The following KHDRBS2 variants were observed in gnomAD, a reference collection of about 807,000 sequenced individuals.
KHDRBS2 encodes KH domain-containing, RNA-binding, signal transduction-associated protein 2.
A neutral mutation model predicts 44.3 loss-of-function variants in KHDRBS2; 26 were observed. That is an observed-to-expected ratio of 0.59 (90% CI 0.43 to 0.81). The LOEUF (loss-of-function observed/expected upper bound fraction) is 0.81, where lower values mean the gene tolerates loss of function less well. KHDRBS2 is among the 40% of genes least tolerant of loss of function. KHDRBS2 has a pLI of 0.00. For missense variants in KHDRBS2, 476 were observed against 433.1 expected (o/e 1.10, Z -0.88); for synonymous variants, 194 against 151.1 (o/e 1.28, Z -2.08).
chr6:61,709,406 C>T (rs1238076509), intron 7 of KHDRBS2, among the ~76,000 whole-genome samples: 1 of 151,426 alleles, frequency 6.6e-6, no homozygotes, highest in African/African-American at 2.4e-5. Flanking sequence ...ATCAGCTTTG[C>T]AATGATTCCT....
At chr6:62,045,506 G>T (rs1787483608) in intron 3 of KHDRBS2, among the ~76,000 whole-genome samples, 1 of 151,790 alleles carries the variant, frequency 6.6e-6, no homozygotes, top group Non-Finnish European at 1.5e-5. Flanking sequence ...AAATTATCAA[G>T]TCCTAAAAGT....
chr6:61,781,416 T>A (rs1215097001), intron 6 of KHDRBS2, among the ~76,000 whole-genome samples: 1 of 152,152 alleles, frequency 6.6e-6, no homozygotes, highest in Non-Finnish European at 1.5e-5. Flanking sequence ...TAGAAATTTG[T>A]TTTTGAAAAT....
the KHDRBS2 span, among the ~76,000 whole-genome samples, chr6:61,596,190 GGGGAGCCCAGCA>G: frequency 6.6e-6 from 1 of 152,116 alleles, no homozygotes; most frequent in African/African-American, 2.4e-5. Flanking sequence ...CAAGGCTTCA[GGGGAGCCCAGCA>G]GGCAGCCCTT....
At chr6:62,021,412 TA>T (rs1010920423) in intron 3 of KHDRBS2, among the ~76,000 whole-genome samples, 27 of 151,792 alleles carry the variant, frequency 1.8e-4, no homozygotes, top group Non-Finnish European at 3.8e-4. Flanking sequence ...ACTTAAAAGT[TA>T]AAAAAATAAA....
chr6:61,740,681 C>T (rs1776011194), intron 6 of KHDRBS2, among the ~76,000 whole-genome samples: 1 of 151,704 alleles, frequency 6.6e-6, no homozygotes, highest in Admixed American at 6.6e-5. Flanking sequence ...TTTAACATGT[C>T]TTATGGGTTT....
chr6:61,904,511 C>T (rs1470800470), intron 4 of KHDRBS2, among the ~76,000 whole-genome samples: 1 of 152,184 alleles, frequency 6.6e-6, no homozygotes, highest in Non-Finnish European at 1.5e-5. Flanking sequence ...CCAGCAACTA[C>T]AGATGTAATT....
intron 1 of KHDRBS2, among the ~76,000 whole-genome samples, chr6:62,209,825 A>G (rs754445542): frequency 6.6e-6 from 1 of 152,154 alleles, no homozygotes; most frequent in Non-Finnish European, 1.5e-5. Flanking sequence ...GCCCTCGAAC[A>G]TCATACTCCA....
chr6:62,087,700 G>C (rs985259458), intron 2 of KHDRBS2, among the ~76,000 whole-genome samples: 12 of 152,052 alleles, frequency 7.9e-5, no homozygotes, highest in Admixed American at 1.3e-4. Context: ...AGGTATCTTT[G>C]TGGTGTTCTC....
chr6:62,048,155 C>A (rs532374125), intron 2 of KHDRBS2, among the ~76,000 whole-genome samples, 161 bp from the exon 3 acceptor site: 1 of 151,018 alleles, frequency 6.6e-6, no homozygotes, highest in East Asian at 2.0e-4. Flanking sequence ...CACACACACA[C>A]ACAAACCCCA....
At position 62,114,403 on chromosome 6, in the gene KHDRBS2, TA is replaced by T. The variant is rs1343569484; in HGVS notation, c.219+62781del. 3.3e-5 allele frequency among the ~76,000 whole-genome samples: 5 copies of T among 152,298 alleles called. No homozygotes were observed. The East Asian group carries it at 9.6e-4, about 29-fold the overall frequency. On this transcript the variant is annotated intron_variant, in intron 2 of 8. Transcript: ENST00000281156. Reference sequence around the variant, plus strand: ...GTTTTAAGGAACTGCTTCTGAAATGTAAGAGTTTTGTGACATTGATCAGTTC... The same window carrying T: ...GTTTTAAGGAACTGCTTCTGAAATGTAGAGTTTTGTGACATTGATCAGTTC...
At chr6:61,565,997 T>C in the KHDRBS2 span, among the ~76,000 whole-genome samples, 1 of 75,422 alleles carries the variant, frequency 1.3e-5, no homozygotes, top group South Asian at 4.0e-4. Flanking sequence ...AAAGAAAATG[T>C]GGTGTGTGTG....
At chr6:61,568,946 C>T in the KHDRBS2 span, among the ~76,000 whole-genome samples, 1 of 152,174 alleles carries the variant, frequency 6.6e-6, no homozygotes, top group Non-Finnish European at 1.5e-5. Flanking sequence ...GGAACTACTG[C>T]AGATATAAGC....
intron 2 of KHDRBS2, among the ~76,000 whole-genome samples, chr6:62,102,623 C>T (rs1802163461): frequency 6.6e-6 from 1 of 152,176 alleles, no homozygotes; most frequent in Non-Finnish European, 1.5e-5. Flanking sequence ...TGGCCCACGG[C>T]TCCTGGGCTG....
At chr6:62,060,568 C>A (rs181179471) in intron 2 of KHDRBS2, among the ~76,000 whole-genome samples, 1 of 150,998 alleles carries the variant, frequency 6.6e-6, no homozygotes, top group East Asian at 2.0e-4. Flanking sequence ...ATTTGTATAA[C>A]ATTATAAAAT....
At chr6:62,237,253 A>G (rs1336351106) in intron 1 of KHDRBS2, among the ~76,000 whole-genome samples, 1 of 152,224 alleles carries the variant, frequency 6.6e-6, no homozygotes, top group East Asian at 1.9e-4. Context: ...AAAAAAATTC[A>G]TAATGGCTGT....
chr6:62,285,137 C>G (rs1443398037), intron 1 of KHDRBS2, among the ~76,000 whole-genome samples: 1 of 151,920 alleles, frequency 6.6e-6, no homozygotes, highest in Non-Finnish European at 1.5e-5. Context: ...AAAAACCTTT[C>G]AAAGCAATGC....
chr6:62,164,991 T>C (rs896472901), intron 2 of KHDRBS2, among the ~76,000 whole-genome samples: 21 of 151,924 alleles, frequency 1.4e-4, no homozygotes, highest in Non-Finnish European at 1.0e-4. Flanking sequence ...GTTAGAAATA[T>C]GAATTCTTCT....
Position 61,823,715 on chromosome 6 carries a change from C to T in KHDRBS2, c.810+70920G>A, listed in dbSNP as rs149222626. On this transcript the variant is annotated intron_variant, in intron 6 of 8. Transcript: ENST00000281156. ...CGAATTGTTGCTTCCTTGTAACATA[C>T]ATTTTATCTTCTGAGTATGTCGATT... is the stretch of plus-strand genomic sequence containing the variant. Among the ~76,000 whole-genome samples the T allele has an allele frequency of 4.8e-3, 737 of 152,156 alleles. 11 individuals carry two copies. The highest frequency in any genetic ancestry group is 0.017 in the African/African-American group (696 of 41,534).
intron 7 of KHDRBS2, among the ~76,000 whole-genome samples, chr6:61,724,812 A>G (rs1773288202): frequency 6.6e-6 from 1 of 152,196 alleles, no homozygotes; most frequent in African/African-American, 2.4e-5. Flanking sequence ...TCATAAAACA[A>G]GTTCTTAGAG....
Sources: gnomAD v4.1 joint callset for allele counts (sites outside exome capture counted in the v4.1 genomes callset) on GRCh38, gnomAD v4.1.1 for gene constraint, MANE v1.5 for transcripts, NCBI Gene and HGNC (gene_info 2026-07-23, HGNC 2026-07-21) for gene names.